JMY: variants seen among roughly 807,000 people sequenced by gnomAD.
The protein encoded by JMY is junction mediating and regulatory protein, p53 cofactor.
A neutral mutation model predicts 103.3 loss-of-function variants in JMY; 46 were observed. That is an observed-to-expected ratio of 0.45 (90% CI 0.35 to 0.57). The LOEUF is 0.57. Among genes scored for constraint, JMY ranks in the 20% least tolerant of loss-of-function variants. The pLI, the probability that JMY is intolerant of heterozygous loss-of-function variation, is 0.00. For missense variants in JMY, 1,238 were observed against 1,255.2 expected (o/e 0.99, Z 0.21); for synonymous variants, 526 against 489.3 (o/e 1.07, Z -0.99).
At chr5:79,309,664 C>G (rs955143766) in intron 7 of JMY, among the ~76,000 whole-genome samples, 1 of 152,138 alleles carries the variant, frequency 6.6e-6, no homozygotes, top group African/African-American at 2.4e-5. Context: ...CTAATGCTGC[C>G]CCTTACTCTT....
At chr5:79,263,350 C>A (rs74835634) in intron 1 of JMY, among the ~76,000 whole-genome samples, 11 of 152,234 alleles carry the variant, frequency 7.2e-5, no homozygotes, top group African/African-American at 2.6e-4. Context: ...GACTCAGACC[C>A]AAGTATCCTT....
intron 2 of JMY, among the ~76,000 whole-genome samples, chr5:79,286,534 T>G (rs1361698347): frequency 6.6e-6 from 1 of 151,668 alleles, no homozygotes; most frequent in African/African-American, 2.4e-5. Context: ...TCCCAACTAC[T>G]CAGGAAGCTG....
intron 1 of JMY, among the ~76,000 whole-genome samples, chr5:79,273,350 C>T (rs1035697493): frequency 5.3e-5 from 8 of 152,080 alleles, no homozygotes; most frequent in African/African-American, 1.9e-4. Flanking sequence ...GTTTATTCCT[C>T]ATCTGTTCTC....
chr5:79,305,996 C>G (rs1372425373), intron 6 of JMY, among the ~76,000 whole-genome samples: 1 of 152,130 alleles, frequency 6.6e-6, no homozygotes, highest in African/African-American at 2.4e-5. Flanking sequence ...GAGTTCAAGA[C>G]CAGTCTGGGC....
chr5:79,304,674 T>TA (rs1746829076), intron 6 of JMY, among the ~76,000 whole-genome samples: 1 of 152,236 alleles, frequency 6.6e-6, no homozygotes. Context: ...TTTATTATCT[T>TA]ATTCTCACTT....
chr5:79,315,149 T>C (rs1317859784), intron 9 of JMY, among the ~76,000 whole-genome samples: 1 of 152,092 alleles, frequency 6.6e-6, no homozygotes. Flanking sequence ...ATTTTAAACC[T>C]GAGATTTTTA....
intron 4 of JMY, among the ~76,000 whole-genome samples, chr5:79,297,624 A>G (rs1388648719): frequency 6.6e-6 from 1 of 152,238 alleles, no homozygotes; most frequent in African/African-American, 2.4e-5. Context: ...GAGTCATAGC[A>G]TCCTTTTCTC....
intron 6 of JMY, among the ~76,000 whole-genome samples, chr5:79,305,842 A>C (rs989699072): frequency 6.6e-6 from 1 of 152,218 alleles, no homozygotes; most frequent in African/African-American, 2.4e-5. Flanking sequence ...GGAGCTTAAC[A>C]ATACATATTT....
intron 7 of JMY, among the ~76,000 whole-genome samples, chr5:79,308,534 T>G (rs1273022171): frequency 6.6e-6 from 1 of 152,202 alleles, no homozygotes; most frequent in Non-Finnish European, 1.5e-5. Context: ...TTCAGTCTAT[T>G]TTTGGGTGTC....
chr5:79,306,577 G>T (rs1746889294), intron 7 of JMY, 116 bp downstream of exon 7: 2 of 736,790 alleles, frequency 2.7e-6, no homozygotes, highest in South Asian at 3.5e-5. Flanking sequence ...CATTAGTTCA[G>T]TTTATATAAT....
chr5:79,281,351 TA>T (rs1161275217), intron 2 of JMY, among the ~76,000 whole-genome samples: 4 of 110,752 alleles, frequency 3.6e-5, no homozygotes, highest in Non-Finnish European at 5.7e-5. Context: ...GCCAAGAAAT[TA>T]ATTTTTTTTT....
chr5:79,313,965 TCTC>T (rs1345058851), intron 8 of JMY, among the ~76,000 whole-genome samples: 1 of 152,124 alleles, frequency 6.6e-6, no homozygotes, highest in African/African-American at 2.4e-5. Flanking sequence ...TTCAAGCAAT[TCTC>T]CTGCCTCAGC....
chr5:79,250,650 C>CTTTTTTTTT (rs200738584), intron 1 of JMY, among the ~76,000 whole-genome samples: 3 of 122,726 alleles, frequency 2.4e-5, no homozygotes, highest in Non-Finnish European at 5.2e-5. Flanking sequence ...AATTATTTTT[C>CTTTTTTTTT]TTTTTTTTTT....
At chr5:79,274,414 G>GTTTTTTTTTTTTTTT (rs1385613616) in intron 1 of JMY, among the ~76,000 whole-genome samples, 1 of 149,734 alleles carries the variant, frequency 6.7e-6, no homozygotes, top group Non-Finnish European at 1.5e-5. Context: ...TTGTTTGTTT[G>GTTTTTTTTTTTTTTT]TTTGTTTTTA....
At chr5:79,297,427 C>G (rs73118309) in intron 4 of JMY, among the ~76,000 whole-genome samples, 1 of 152,138 alleles carries the variant, frequency 6.6e-6, no homozygotes, top group Non-Finnish European at 1.5e-5. Flanking sequence ...TTCTGTTTCT[C>G]TTAGTTCTGT....
chr5:79,266,476 T>C (rs1745590071), intron 1 of JMY, among the ~76,000 whole-genome samples: 5 of 152,230 alleles, frequency 3.3e-5, no homozygotes, highest in Admixed American at 3.3e-4. Context: ...GATATAGTTG[T>C]ACATATTTAG....
At chr5:79,310,101 T>C (rs931847371) in intron 7 of JMY, among the ~76,000 whole-genome samples, 1 of 119,590 alleles carries the variant, frequency 8.4e-6, no homozygotes, top group Non-Finnish European at 1.6e-5. Context: ...AGTCTTACTC[T>C]ACCCAGGCTG....
chr5:79,306,540 A>C, intron 7 of JMY, 79 bp downstream of exon 7: 1 of 1,001,380 alleles, frequency 1.0e-6, no homozygotes, highest in African/African-American at 1.6e-5. Flanking sequence ...GTAGAGAATG[A>C]TAAAAAAACT....
chr5:79,243,762 C>T (rs1030245525), intron 1 of JMY, among the ~76,000 whole-genome samples: 7 of 152,128 alleles, frequency 4.6e-5, no homozygotes, highest in African/African-American at 7.2e-5. Context: ...TGATGCTAAT[C>T]ATTTTCTTCA....
Sources: allele counts gnomAD v4.1 joint callset (sites outside exome capture counted in the v4.1 genomes callset), GRCh38; gene constraint gnomAD v4.1.1; transcripts MANE v1.5; gene names NCBI Gene and HGNC (gene_info 2026-07-23, HGNC 2026-07-21).